The following ALPK2 variants were observed in gnomAD, a reference collection of about 807,000 sequenced individuals.
ALPK2 encodes the protein alpha kinase 2.
In ALPK2, 127 loss-of-function variants were observed where a neutral mutation model predicts 163.1. The observed-to-expected ratio is 0.78, with a 90% CI of 0.67 to 0.90. ALPK2 has a LOEUF of 0.90. ALPK2 is among the 40% of genes least tolerant of loss of function. The pLI, the probability that ALPK2 is intolerant of heterozygous loss-of-function variation, is 0.00. For missense variants in ALPK2, 2,360 were observed against 2,589.6 expected (o/e 0.91, Z 1.92); for synonymous variants, 953 against 959.1 (o/e 0.99, Z 0.12).
intron 12 of ALPK2, among the ~76,000 whole-genome samples, chr18:58,494,179 C>T (rs1322855028): frequency 6.6e-6 from 1 of 152,120 alleles, no homozygotes; most frequent in East Asian, 1.9e-4. Flanking sequence ...ATTTGTTCAA[C>T]GGGTTAGTAT....
At position 58,520,119 on chromosome 18, in the gene ALPK2, G is replaced by A. The variant is rs570740873; in HGVS notation, c.5666-2937C>T. Among the ~76,000 whole-genome samples the A allele has an allele frequency of 3.3e-5, 5 of 151,070 alleles. No individual in the cohort carries two copies. The East Asian group carries it at 9.6e-4, about 29-fold the overall frequency. ...CGCTGCCCAAAGTCCCTGAGAGGTG[G>A]CAGTTCCATGAGAAAGAATCAAGAG... On this transcript the variant is annotated intron_variant, in intron 8 of 12. Transcript: ENST00000361673.
intron 11 of ALPK2, among the ~76,000 whole-genome samples, chr18:58,502,589 C>A (rs2051438143): frequency 6.6e-6 from 1 of 152,160 alleles, no homozygotes. Context: ...AGCTTGAGAT[C>A]CTCATCTGGG....
At chr18:58,583,964 A>C (rs1003079760) in intron 3 of ALPK2, among the ~76,000 whole-genome samples, 1 of 152,176 alleles carries the variant, frequency 6.6e-6, no homozygotes, top group Non-Finnish European at 1.5e-5. Flanking sequence ...TAAAGCAGTA[A>C]GAAATCAGGA....
intron 10 of ALPK2, among the ~76,000 whole-genome samples, chr18:58,513,831 A>C (rs2051507201): frequency 6.6e-6 from 1 of 152,128 alleles, no homozygotes; most frequent in Admixed American, 6.5e-5. Context: ...TGATTGCACC[A>C]CTGCCCTCCA....
intron 5 of ALPK2, among the ~76,000 whole-genome samples, chr18:58,532,819 C>T (rs933373966): frequency 6.6e-6 from 1 of 152,190 alleles, no homozygotes; most frequent in Non-Finnish European, 1.5e-5. Flanking sequence ...GAAAGTGAGG[C>T]ACCCAGAGGC....
intron 10 of ALPK2, 31 bp downstream of exon 10, chr18:58,514,962 G>T (rs779415848): frequency 6.4e-7 from 1 of 1,570,218 alleles, no homozygotes. Context: ...CGAGTCAGGA[G>T]TGTGACACAA....
intron 1 of ALPK2, among the ~76,000 whole-genome samples, chr18:58,615,538 T>C (rs1440919856): frequency 1.3e-5 from 2 of 152,216 alleles, no homozygotes; most frequent in African/African-American, 2.4e-5. Flanking sequence ...TAAATATCTG[T>C]TACATAATTA....
At chr18:58,547,453 C>T (rs934840616) in intron 4 of ALPK2, among the ~76,000 whole-genome samples, 1 of 152,192 alleles carries the variant, frequency 6.6e-6, no homozygotes, top group Non-Finnish European at 1.5e-5. Flanking sequence ...GGTCTCTTTC[C>T]TTCTCCCTCC....
At chr18:58,618,040 A>C (rs2052179250) in intron 1 of ALPK2, among the ~76,000 whole-genome samples, 1 of 152,172 alleles carries the variant, frequency 6.6e-6, no homozygotes. Flanking sequence ...CACATATCAC[A>C]TTAAAAATAT....
rs142602257 is a variant in ALPK2, at chr18:58,535,902, C to G, written c.4285G>C (p.Gly1429Arg). 6.2e-7 allele frequency: 1 copy of G among 1,614,164 alleles called. No homozygotes were observed. Among genetic ancestry groups the G allele is most frequent in the Non-Finnish European group, 8.5e-7 (1 of 1,180,010 alleles). The change falls in exon 5 of 13, where the codon GGC (glycine) becomes CGC (arginine). Residue 1429 changes from glycine (G) to arginine (R), a missense_variant. Coordinates refer to ENST00000361673, the MANE Select transcript of ALPK2 (RefSeq NM_052947.4). Reference protein sequence around the residue: ...KPEPSETTPQGAREGGQSNDG... With the variant: ...KPEPSETTPQRAREGGQSNDG... Reference sequence around the variant, plus strand: ...TTTGATTGACCCCCTTCTCTGGCGCCCTGTGGTGTGGTTTCAGAGGGCTCT... The same window carrying G: ...TTTGATTGACCCCCTTCTCTGGCGCGCTGTGGTGTGGTTTCAGAGGGCTCT...
chr18:58,486,611 G>A (rs186278752), intron 12 of ALPK2, among the ~76,000 whole-genome samples: 40 of 152,168 alleles, frequency 2.6e-4, no homozygotes, highest in Non-Finnish European at 4.1e-4. Context: ...TCTAATTTTC[G>A]ACCCTCAACT....
At chr18:58,513,766 G>A (rs193131495) in intron 10 of ALPK2, among the ~76,000 whole-genome samples, 6 of 152,232 alleles carry the variant, frequency 3.9e-5, no homozygotes, top group African/African-American at 1.4e-4. Context: ...TGTAGTCCCA[G>A]TTACTTTGGA....
intron 4 of ALPK2, among the ~76,000 whole-genome samples, chr18:58,562,551 A>G (rs1376680104): frequency 6.6e-6 from 1 of 152,214 alleles, no homozygotes; most frequent in East Asian, 1.9e-4. Flanking sequence ...TTAGGTACAC[A>G]TGGAAGCTAT....
chr18:58,585,142 G>T (rs1043188490), intron 3 of ALPK2, among the ~76,000 whole-genome samples: 4 of 152,148 alleles, frequency 2.6e-5, no homozygotes, highest in Non-Finnish European at 5.9e-5. Context: ...CCCAGAAGTG[G>T]TCTAAACCAG....
rs2051874748 is a variant in ALPK2, at chr18:58,569,622, T to A, written c.1962+9192A>T. On this transcript the variant is annotated intron_variant, in intron 4 of 12. Coordinates refer to ENST00000361673, the MANE Select transcript of ALPK2 (RefSeq NM_052947.4). ...ACAACTGCAGGCACTAATGACTCTTTATTGATTATTTAACCCTGACTGAGG... is the reference window on the plus strand; with the variant it reads ...ACAACTGCAGGCACTAATGACTCTTAATTGATTATTTAACCCTGACTGAGG... Among the ~76,000 whole-genome samples, 3 of 152,202 alleles carry A rather than the reference T, an allele frequency of 2.0e-5. No homozygotes were observed. In the South Asian group the frequency reaches 6.2e-4, roughly 32 times the overall value.
At position 58,536,514 on chromosome 18, in the gene ALPK2, A is replaced by G. The variant is rs939855989; in HGVS notation, c.3673T>C (p.Tyr1225His). The G allele has an allele frequency of 4.3e-6, 7 of 1,613,710 alleles. No individual in the cohort carries two copies. The highest frequency in any genetic ancestry group is 3.3e-5 in the Admixed American group (2 of 60,008). The part of the protein sequence containing the change: ...SDILLEESKE[Y>H]RPGNWEAGNK... ...CCTGCCTCCCAATTTCCAGGTCTATATTCTTTAGACTCTTCCAAAAGGATA... is the reference window on the plus strand; with the variant it reads ...CCTGCCTCCCAATTTCCAGGTCTATGTTCTTTAGACTCTTCCAAAAGGATA... Residue 1225 changes from tyrosine (Y) to histidine (H), a missense_variant, in exon 5 of 13, where the codon TAT (tyrosine) becomes CAT (histidine). Physicochemically the swap from Tyr to His is moderately conservative, Grantham distance 83. Transcript: ENST00000361673.
chr18:58,505,931 C>A (rs1197063338), intron 10 of ALPK2, among the ~76,000 whole-genome samples: 1 of 152,166 alleles, frequency 6.6e-6, no homozygotes, highest in Non-Finnish European at 1.5e-5. Context: ...GCTTCACTGG[C>A]TACCTCTTCT....
At chr18:58,610,649 A>G (rs1485265629) in intron 2 of ALPK2, among the ~76,000 whole-genome samples, 1 of 152,168 alleles carries the variant, frequency 6.6e-6, no homozygotes, top group East Asian at 1.9e-4. Flanking sequence ...CAGTTTTAAG[A>G]TATCAATTAG....
chr18:58,607,730 A>G (rs553956784), intron 2 of ALPK2, among the ~76,000 whole-genome samples: 1 of 152,350 alleles, frequency 6.6e-6, no homozygotes, highest in East Asian at 1.9e-4. Flanking sequence ...AAATTTTCCA[A>G]TACTTGGAAA....
Sources: allele counts gnomAD v4.1 joint callset (sites outside exome capture counted in the v4.1 genomes callset), GRCh38; gene constraint gnomAD v4.1.1; transcripts MANE v1.5; gene names NCBI Gene and HGNC (gene_info 2026-07-23, HGNC 2026-07-21).